Variants in AGBL4 observed in about 807,000 individuals in gnomAD.
AGBL4 encodes the protein cytosolic carboxypeptidase 6.
Under a neutral mutation model 66.4 loss-of-function variants are expected in AGBL4, and 58 were observed. The ratio of observed to expected loss-of-function variants is 0.87; its 90% CI spans 0.71 to 1.09. The LOEUF (loss-of-function observed/expected upper bound fraction) is 1.09. AGBL4 is among the 50% of genes least tolerant of loss of function. AGBL4 has a pLI of 0.00. For missense variants in AGBL4, 579 were observed against 631.0 expected, an observed-to-expected ratio of 0.92 and a Z score of 0.88; for synonymous variants, 234 against 222.9, an observed-to-expected ratio of 1.05 and a Z score of -0.44.
At chr1:49,323,100 A>G (rs1458979784) in intron 3 of AGBL4, among the ~76,000 whole-genome samples, 1 of 152,216 alleles carries the variant, frequency 6.6e-6, no homozygotes, top group African/African-American at 2.4e-5. Context: ...AACCCTGACA[A>G]GAGAAACAGT....
chr1:49,599,436 G>A (rs191857229), intron 3 of AGBL4, among the ~76,000 whole-genome samples: 1 of 152,268 alleles, frequency 6.6e-6, no homozygotes, highest in East Asian at 1.9e-4. Context: ...ATTTCTGTGG[G>A]ATCAGTGGTG....
chr1:48,613,083 G>C (rs1483218425), intron 9 of AGBL4, among the ~76,000 whole-genome samples: 1 of 152,010 alleles, frequency 6.6e-6, no homozygotes, highest in Non-Finnish European at 1.5e-5. Context: ...GCAGTGAACC[G>C]AGATTGCACC....
At chr1:48,756,447 G>A (rs1382924413) in intron 6 of AGBL4, among the ~76,000 whole-genome samples, 1 of 152,186 alleles carries the variant, frequency 6.6e-6, no homozygotes, top group Non-Finnish European at 1.5e-5. Context: ...AGAGGGCAAG[G>A]GCTGTATTGC....
chr1:48,868,189 G>A (rs927267521), intron 5 of AGBL4, among the ~76,000 whole-genome samples: 3 of 152,148 alleles, frequency 2.0e-5, no homozygotes, highest in African/African-American at 7.2e-5. Flanking sequence ...TCCATTTTGA[G>A]AGTCATTGCT....
At chr1:49,837,123 G>A (rs1276761856) in intron 2 of AGBL4, among the ~76,000 whole-genome samples, 1 of 152,218 alleles carries the variant, frequency 6.6e-6, no homozygotes, top group Non-Finnish European at 1.5e-5. Context: ...CCTGCAAGCA[G>A]GAACGTTTGA....
intron 6 of AGBL4, among the ~76,000 whole-genome samples, chr1:48,740,274 G>C (rs944835335): frequency 3.9e-5 from 6 of 152,174 alleles, no homozygotes; most frequent in African/African-American, 1.4e-4. Flanking sequence ...CAGTTTTCAG[G>C]GATGTAGCAG....
chr1:49,327,887 T>C (rs992268999), intron 3 of AGBL4, among the ~76,000 whole-genome samples: 1 of 152,216 alleles, frequency 6.6e-6, no homozygotes, highest in Non-Finnish European at 1.5e-5. Context: ...GAGGGAGTTA[T>C]AGATTAGGCA....
At chr1:48,952,882 C>T (rs554894693) in intron 5 of AGBL4, among the ~76,000 whole-genome samples, 1 of 151,970 alleles carries the variant, frequency 6.6e-6, no homozygotes, top group South Asian at 2.1e-4. Flanking sequence ...TTTAGCTCAT[C>T]AGCTATCATT....
chr1:49,727,526 C>G (rs568407929), intron 2 of AGBL4, among the ~76,000 whole-genome samples: 1 of 152,024 alleles, frequency 6.6e-6, no homozygotes, highest in South Asian at 2.1e-4. Context: ...AAATTTGAAC[C>G]AATTAAAACG....
chr1:48,960,774 G>A (rs887059984), intron 5 of AGBL4, among the ~76,000 whole-genome samples: 8 of 152,156 alleles, frequency 5.3e-5, no homozygotes, highest in Admixed American at 3.3e-4. Flanking sequence ...GTTAGTAGAC[G>A]CAGGCTCAAA....
intron 1 of AGBL4, among the ~76,000 whole-genome samples, chr1:49,928,077 C>T (rs1652971349): frequency 6.6e-6 from 1 of 151,878 alleles, no homozygotes. Context: ...AAAAATTATA[C>T]TGAATGGAAT....
intron 2 of AGBL4, among the ~76,000 whole-genome samples, chr1:49,753,800 C>T (rs368124790): frequency 9.0e-4 from 137 of 152,208 alleles, no homozygotes; most frequent in Admixed American, 1.4e-3. Flanking sequence ...CTTGTCTTCA[C>T]GCTTTATTTC....
intron 4 of AGBL4, among the ~76,000 whole-genome samples, chr1:49,070,786 G>A (rs1244985525): frequency 6.6e-6 from 1 of 151,912 alleles, no homozygotes; most frequent in African/African-American, 2.4e-5. Context: ...TCGGTTGATT[G>A]GAATTGTTTC....
chr1:49,715,554 T>C (rs2124672375), intron 2 of AGBL4, among the ~76,000 whole-genome samples: 1 of 152,296 alleles, frequency 6.6e-6, no homozygotes, highest in East Asian at 1.9e-4. Flanking sequence ...TCTTCCACAA[T>C]GGTTGAACTA....
chr1:48,705,123 C>T (rs888085943), intron 6 of AGBL4, among the ~76,000 whole-genome samples: 1 of 152,012 alleles, frequency 6.6e-6, no homozygotes, highest in African/African-American at 2.4e-5. Flanking sequence ...ATGTGGCACA[C>T]GACTATAACT....
chr1:48,665,701 A>G (rs1215877851), intron 6 of AGBL4, among the ~76,000 whole-genome samples: 1 of 152,164 alleles, frequency 6.6e-6, no homozygotes, highest in African/African-American at 2.4e-5. Flanking sequence ...CAATTTACAC[A>G]AGAGAATTTC....
intron 3 of AGBL4, among the ~76,000 whole-genome samples, chr1:49,672,921 C>CAAAAAAAAAAA (rs60612868): frequency 2.1e-4 from 10 of 47,014 alleles, no homozygotes; most frequent in Non-Finnish European, 3.5e-4. Flanking sequence ...AACTCCATCT[C>CAAAAAAAAAAA]AAAAAAAAAA....
At chr1:49,316,372 C>G (rs1481772971) in intron 3 of AGBL4, among the ~76,000 whole-genome samples, 1 of 151,452 alleles carries the variant, frequency 6.6e-6, no homozygotes, top group African/African-American at 2.4e-5. Context: ...AGGGGGTAAA[C>G]AAAACATCTG....
At chr1:49,288,538 T>A (rs1434675486) in intron 3 of AGBL4, among the ~76,000 whole-genome samples, 1 of 152,148 alleles carries the variant, frequency 6.6e-6, no homozygotes. Flanking sequence ...CAAAATTCTG[T>A]GCAATTTTCC....
Sources: gnomAD v4.1 joint callset for allele counts (sites outside exome capture counted in the v4.1 genomes callset) on GRCh38, gnomAD v4.1.1 for gene constraint, MANE v1.5 for transcripts, NCBI Gene and HGNC (gene_info 2026-07-23, HGNC 2026-07-21) for gene names.